Variants in CDHR2 observed in about 807,000 individuals in gnomAD.
CDHR2 encodes the protein cadherin-related family member 2.
A neutral mutation model predicts 138.6 loss-of-function variants in CDHR2; 104 were observed. The observed-to-expected ratio is 0.75, with a 90% CI of 0.64 to 0.88. CDHR2 has a LOEUF of 0.88. Ranked by LOEUF, CDHR2 falls within the 40% of genes least tolerant of loss-of-function variation. The pLI is 0.00. For synonymous variants in CDHR2, 755 were observed against 742.8 expected (o/e 1.02, Z -0.27); for missense variants, 1,624 against 1,727.6 (o/e 0.94, Z 1.06).
rs79426944 is a variant in CDHR2 at position 176,553,152 on chromosome 5, C to T, written c.-16+3738C>T. On this transcript the variant is annotated intron_variant, in intron 1 of 31. Transcript: ENST00000261944. The surrounding 1 kb of genome is among the most constrained non-coding windows in gnomAD (Gnocchi z 4.3). ...CGGGGACTGGGTGAAGGTCCTGGTT[C>T]GGGCTGTTCTCTCTCAACATCACAT... Among the ~76,000 whole-genome samples the T allele has an allele frequency of 2.2e-3, 328 of 152,152 alleles. 2 individuals carry two copies. In the East Asian group the frequency reaches 0.024, roughly 11 times the overall value.
intron 21 of CDHR2, among the ~76,000 whole-genome samples, chr5:176,587,548 GC>G (rs1185029402): frequency 7.9e-5 from 12 of 152,220 alleles, no homozygotes; most frequent in African/African-American, 2.9e-4. Context: ...AGGGGTGGTG[GC>G]CATGCCGTGT....
intron 1 of CDHR2, among the ~76,000 whole-genome samples, chr5:176,551,701 CTTTTTTTTTT>C (rs34996600): frequency 2.6e-5 from 3 of 114,284 alleles, no homozygotes; most frequent in African/African-American, 1.1e-4. Flanking sequence ...CAAGAGTTCT[CTTTTTTTTTT>C]TTTTTTTTGA....
At chr5:176,557,183 T>C (rs1174971651) in intron 1 of CDHR2, among the ~76,000 whole-genome samples, 1 of 54,516 alleles carries the variant, frequency 1.8e-5, no homozygotes, top group Non-Finnish European at 4.5e-5. Flanking sequence ...GCCTGGCCTG[T>C]TATTTAATAA....
rs1255333213 is a variant in CDHR2, at chr5:176,581,269, G to A, written c.1819-74G>A. On this transcript the variant is annotated intron_variant, in intron 16 of 31. Coordinates refer to ENST00000261944, the MANE Select transcript of CDHR2 (RefSeq NM_017675.6). ...TGCGTGGGCCAGCGCTGGAGAGGAGGGTCCGGCTGCATCGGAGGGGCTGGG... is the reference window on the plus strand; with the variant it reads ...TGCGTGGGCCAGCGCTGGAGAGGAGAGTCCGGCTGCATCGGAGGGGCTGGG... 1.1e-5 allele frequency: 18 copies of A among 1,580,594 alleles called. No homozygotes were observed. In the East Asian group the frequency reaches 3.6e-4, roughly 32 times the overall value.
rs770170201 is a variant in CDHR2 at position 176,568,679 on chromosome 5, T to C, written c.126T>C (p.Gly42=). ...GGGTGGCCCCTGTCCCATCCCCAGG[T>C]GCCCAGGCCTTCTGGTTGGTAGCGG... ...SVILPEDLPV[G]AQAFWLVAED... is the part of the protein sequence containing the mutation. The change falls in exon 4 of 32, where the codon GGT becomes GGC. Residue 42 remains glycine, a splice_region_variant and synonymous_variant. Transcript: ENST00000261944. The C allele has an allele frequency of 5.6e-6, 9 of 1,613,888 alleles. No individual in the cohort carries two copies. Among genetic ancestry groups the C allele is most frequent in the Non-Finnish European group, 6.8e-6 (8 of 1,179,930 alleles).
At chr5:176,557,635 T>A (rs927419230) in intron 1 of CDHR2, among the ~76,000 whole-genome samples, 2 of 149,354 alleles carry the variant, frequency 1.3e-5, no homozygotes, top group Middle Eastern at 3.2e-3. Context: ...ACGAAATCTC[T>A]GCTCACTGCA....
intron 3 of CDHR2, among the ~76,000 whole-genome samples, chr5:176,567,742 C>T (rs1043353309): frequency 3.3e-5 from 5 of 152,194 alleles, no homozygotes; most frequent in African/African-American, 1.2e-4. Context: ...ATCCGCCCAC[C>T]TCCACCTCTC....
chr5:176,552,443 T>G (rs548297670), intron 1 of CDHR2, among the ~76,000 whole-genome samples: 1 of 152,098 alleles, frequency 6.6e-6, no homozygotes, highest in African/African-American at 2.4e-5. Context: ...AGAGAGCAGC[T>G]CGTGTGGAAA....
At chr5:176,595,435 A>T in intron 31 of CDHR2, 97 bp from the exon 32 acceptor site, 1 of 1,349,162 alleles carries the variant, frequency 7.4e-7, no homozygotes, top group Non-Finnish European at 9.8e-7. Flanking sequence ...CCAAGGAACC[A>T]CTGGTCGTGA....
In CDHR2 at chr5:176,586,496, A is replaced by C. The variant is rs146061573; in HGVS notation, c.2807-297A>C. Among the ~76,000 whole-genome samples the C allele has an allele frequency of 1.3e-3, 193 of 152,288 alleles. 2 individuals are homozygous for C. The highest frequency in any genetic ancestry group is 0.012 in the South Asian group (60 of 4,820). On this transcript the variant is annotated intron_variant, in intron 20 of 31. Coordinates refer to ENST00000261944, the MANE Select transcript of CDHR2 (RefSeq NM_017675.6). ...TAGGCATGAGCCACCATGCCCAGCC[A>C]ACACTGGAGTTTTCATTCCAGCTCT...
At chr5:176,590,014 C>T in intron 24 of CDHR2, 64 bp from the exon 25 acceptor site, 1 of 1,346,812 alleles carries the variant, frequency 7.4e-7, no homozygotes, top group Non-Finnish European at 1.1e-6. Flanking sequence ...ATCCCACTGG[C>T]ACAGCCCTGG....
chr5:176,581,879 C>T lies in CDHR2; in HGVS notation c.2058+297C>T, dbSNP rs1048363548. Among the ~76,000 whole-genome samples the T allele has an allele frequency of 5.9e-5, 9 of 152,320 alleles. No homozygotes were observed. The South Asian group carries it at 1.0e-3, about 18-fold the overall frequency. ...GCTCTAATTGTCACTCATAAAGTCC[C>T]ACCTGAAACCCTCCTGTCTCCCTGC... On this transcript the variant is annotated intron_variant, in intron 17 of 31. Coordinates refer to ENST00000261944, the MANE Select transcript of CDHR2 (RefSeq NM_017675.6).
At chr5:176,549,569 G>T (rs1757659571) in intron 1 of CDHR2, among the ~76,000 whole-genome samples, 155 bp downstream of exon 1, 1 of 152,190 alleles carries the variant, frequency 6.6e-6, no homozygotes, top group African/African-American at 2.4e-5. Context: ...GCCGGGTCAG[G>T]TCCCAGCCTG....
At chr5:176,564,745 C>T (rs1194371156) in intron 1 of CDHR2, among the ~76,000 whole-genome samples, 2 of 151,860 alleles carry the variant, frequency 1.3e-5, no homozygotes, top group African/African-American at 2.4e-5. Context: ...CAGGGTTCCA[C>T]GGAGCACAGT....
chr5:176,588,188 G>C (rs1278733659), intron 21 of CDHR2, among the ~76,000 whole-genome samples: 1 of 144,332 alleles, frequency 6.9e-6, no homozygotes, highest in Non-Finnish European at 1.5e-5. Context: ...GAGCATCGCT[G>C]TGTGTGTGCA....
intron 6 of CDHR2, among the ~76,000 whole-genome samples, chr5:176,571,686 G>A (rs928504363): frequency 1.3e-4 from 20 of 152,104 alleles, no homozygotes; most frequent in African/African-American, 3.4e-4. Context: ...ACAGGCGCCC[G>A]CCACCTCGCC....
At chr5:176,574,011 A>AC in intron 6 of CDHR2, 72 bp from the exon 7 acceptor site, 1 of 1,165,882 alleles carries the variant, frequency 8.6e-7, no homozygotes, top group Non-Finnish European at 1.3e-6. Context: ...ACTGAAGCTC[A>AC]GGGGGGCAGT....
upstream of CDHR2, among the ~76,000 whole-genome samples, chr5:176,544,798 T>C (rs1196084132): frequency 6.6e-6 from 1 of 152,222 alleles, no homozygotes; most frequent in Non-Finnish European, 1.5e-5. Context: ...ATTCTTGGGC[T>C]GGTTCCTTGT....
At chr5:176,569,384 C>T (rs1005084915) in intron 5 of CDHR2, among the ~76,000 whole-genome samples, 12 of 151,016 alleles carry the variant, frequency 7.9e-5, no homozygotes, top group African/African-American at 2.9e-4. Context: ...CCTGGGTTGA[C>T]GCCATTCTCC....
Sources: gnomAD v4.1 joint callset for allele counts (sites outside exome capture counted in the v4.1 genomes callset) on GRCh38, gnomAD v4.1.1 for gene constraint, Gnocchi (gnomAD v3.1) non-coding constraint, MANE v1.5 for transcripts, NCBI Gene and HGNC (gene_info 2026-07-23, HGNC 2026-07-21) for gene names.